Variants in GPC5 observed in about 807,000 individuals in gnomAD.
The protein encoded by GPC5 is glypican-5.
Under a neutral mutation model 53.9 loss-of-function variants are expected in GPC5, and 47 were observed. That is an observed-to-expected ratio of 0.87 (90% CI 0.69 to 1.11). GPC5 has a LOEUF of 1.11. Ranked by LOEUF, GPC5 falls within the 50% of genes most tolerant of loss-of-function variation. The probability of loss-of-function intolerance (pLI) is 0.00; values close to 1 mark genes in which losing one functional copy is unlikely to be tolerated. For synonymous variants in GPC5, 286 were observed against 263.3 expected, an observed-to-expected ratio of 1.09 and a Z score of -0.84; for missense variants, 748 against 713.1, an observed-to-expected ratio of 1.05 and a Z score of -0.56.
chr13:91,988,126 TA>T (rs997687056), intron 6 of GPC5, among the ~76,000 whole-genome samples: 10 of 151,108 alleles, frequency 6.6e-5, no homozygotes, highest in Non-Finnish European at 1.2e-4. Flanking sequence ...TACATATTTT[TA>T]AGGCCATTAT....
chr13:92,684,760 G>A (rs1313287529), intron 7 of GPC5, among the ~76,000 whole-genome samples: 1 of 152,148 alleles, frequency 6.6e-6, no homozygotes, highest in African/African-American at 2.4e-5. Context: ...ATACCAAGGA[G>A]CATAATTAAG....
chr13:92,044,283 A>C (rs1364675599), intron 6 of GPC5, among the ~76,000 whole-genome samples: 2 of 152,156 alleles, frequency 1.3e-5, no homozygotes, highest in Non-Finnish European at 2.9e-5. Context: ...TCTTTTTTTA[A>C]GGAGTAAAAC....
intron 7 of GPC5, among the ~76,000 whole-genome samples, chr13:92,713,746 A>G (rs1215057832): frequency 3.9e-5 from 6 of 152,170 alleles, no homozygotes; most frequent in African/African-American, 1.4e-4. Context: ...ATTGAGACCT[A>G]TAAGAAATGT....
At chr13:92,393,607 C>G (rs1164093088) in intron 7 of GPC5, among the ~76,000 whole-genome samples, 1 of 152,184 alleles carries the variant, frequency 6.6e-6, no homozygotes, top group Non-Finnish European at 1.5e-5. Flanking sequence ...TGAGATCGCA[C>G]CATTGCACTG....
chr13:92,534,206 G>C (rs1881650910), intron 7 of GPC5, among the ~76,000 whole-genome samples: 1 of 152,270 alleles, frequency 6.6e-6, no homozygotes, highest in Non-Finnish European at 1.5e-5. Context: ...ATGGTCGCTT[G>C]AGCCTGGGAG....
At chr13:92,307,048 A>G (rs1051530336) in intron 7 of GPC5, among the ~76,000 whole-genome samples, 3 of 152,346 alleles carry the variant, frequency 2.0e-5, no homozygotes, top group East Asian at 3.9e-4. Flanking sequence ...GCCAGAGCCA[A>G]TGAAAGATTC....
intron 7 of GPC5, among the ~76,000 whole-genome samples, chr13:92,774,316 A>G (rs780482576): frequency 6.6e-6 from 1 of 152,130 alleles, no homozygotes; most frequent in Non-Finnish European, 1.5e-5. Context: ...TATACATAGC[A>G]CCTTTCATTC....
intron 2 of GPC5, among the ~76,000 whole-genome samples, chr13:91,685,121 TACAAACAA>T (rs377713018): frequency 7.9e-5 from 12 of 152,006 alleles, no homozygotes; most frequent in African/African-American, 1.9e-4. Flanking sequence ...ACACTGTCTC[TACAAACAA>T]ACAAACAAAC....
intron 1 of GPC5, among the ~76,000 whole-genome samples, chr13:91,404,677 G>C (rs1877190295): frequency 6.6e-6 from 1 of 152,136 alleles, no homozygotes; most frequent in East Asian, 1.9e-4. Flanking sequence ...GCCACATATG[G>C]CTACTATGTA....
At chr13:92,071,821 A>T (rs2041213645) in intron 6 of GPC5, among the ~76,000 whole-genome samples, 1 of 148,102 alleles carries the variant, frequency 6.8e-6, no homozygotes, top group African/African-American at 2.4e-5. Flanking sequence ...TCTAACGGAA[A>T]TAATATATTT....
chr13:92,203,415 C>G (rs1351808116), intron 7 of GPC5, among the ~76,000 whole-genome samples: 1 of 134,976 alleles, frequency 7.4e-6, no homozygotes, highest in African/African-American at 2.9e-5. Context: ...CATATTCTCA[C>G]TCATAGGTGG....
chr13:91,482,718 G>A (rs1029918798), intron 2 of GPC5, among the ~76,000 whole-genome samples: 13 of 152,244 alleles, frequency 8.5e-5, no homozygotes, highest in South Asian at 8.3e-4. Context: ...CCCCTGCCAC[G>A]CTGCTTCTTG....
chr13:92,076,998 GC>G (rs2041257349), intron 6 of GPC5, among the ~76,000 whole-genome samples: 1 of 152,152 alleles, frequency 6.6e-6, no homozygotes, highest in Non-Finnish European at 1.5e-5. Context: ...ACCTGAACAT[GC>G]CCTTTCCTTT....
intron 1 of GPC5, among the ~76,000 whole-genome samples, chr13:91,418,651 T>C (rs1406471042): frequency 6.6e-6 from 1 of 152,168 alleles, no homozygotes; most frequent in Non-Finnish European, 1.5e-5. Flanking sequence ...TTTCTGGCTA[T>C]GTTAAGGGTT....
At chr13:92,572,343 A>G (rs1348426268) in intron 7 of GPC5, among the ~76,000 whole-genome samples, 1 of 152,190 alleles carries the variant, frequency 6.6e-6, no homozygotes, top group Admixed American at 6.6e-5. Context: ...CTGAGTGTCC[A>G]ACCATTGTTG....
intron 6 of GPC5, among the ~76,000 whole-genome samples, chr13:91,927,293 A>G (rs2039778190): frequency 6.6e-6 from 1 of 152,182 alleles, no homozygotes; most frequent in African/African-American, 2.4e-5. Flanking sequence ...CTGTCGTGCT[A>G]TAATTAAATC....
Position 92,303,406 on chromosome 13 carries a change from C to T in GPC5, c.1561+158417C>T, listed in dbSNP as rs561973930. 7.3e-5 allele frequency among the ~76,000 whole-genome samples: 11 copies of T among 151,646 alleles called. No individual in the cohort carries two copies. In the South Asian group the frequency reaches 2.3e-3, roughly 32 times the overall value. On this transcript the variant is annotated intron_variant, in intron 7 of 7. Transcript: ENST00000377067. ...TCTGAAATAGACCAAACTCAAAAGC[C>T]TAAGAATGCAGGGTGGGAATGAGCA...
intron 5 of GPC5, among the ~76,000 whole-genome samples, chr13:91,787,990 G>T (rs2037904849): frequency 6.6e-6 from 1 of 152,088 alleles, no homozygotes; most frequent in African/African-American, 2.4e-5. Context: ...TATCTCCTGA[G>T]GGTGAGAGCT....
intron 2 of GPC5, among the ~76,000 whole-genome samples, chr13:91,558,443 G>A (rs2138888275): frequency 1.3e-5 from 2 of 152,202 alleles, no homozygotes; most frequent in East Asian, 1.9e-4. Context: ...AATATTGGAT[G>A]TGGACCATGT....
Sources: gnomAD v4.1 joint callset for allele counts (sites outside exome capture counted in the v4.1 genomes callset) on GRCh38, gnomAD v4.1.1 for gene constraint, MANE v1.5 for transcripts, NCBI Gene and HGNC (gene_info 2026-07-23, HGNC 2026-07-21) for gene names.